Variants in PTPRD observed in about 807,000 individuals in gnomAD.
The protein encoded by PTPRD is protein tyrosine phosphatase receptor type D, also known as receptor-type tyrosine-protein phosphatase delta.
A neutral mutation model predicts 214.5 loss-of-function variants in PTPRD; 34 were observed. The ratio of observed to expected loss-of-function variants is 0.16; its 90% CI spans 0.12 to 0.21. The LOEUF (loss-of-function observed/expected upper bound fraction) is 0.21. PTPRD is among the 10% of genes least tolerant of loss of function. The pLI is 1.00. For missense variants in PTPRD, 2,545 were observed against 2,398.7 expected (o/e 1.06, Z -1.27); for synonymous variants, 1,128 against 845.7 (o/e 1.33, Z -5.79).
chr9:8,351,308 G>T (rs540776834), intron 39 of PTPRD, among the ~76,000 whole-genome samples: 1 of 152,114 alleles, frequency 6.6e-6, no homozygotes, highest in Non-Finnish European at 1.5e-5. Flanking sequence ...CACAAAACAT[G>T]GTCTGAAAAG....
intron 4 of PTPRD, among the ~76,000 whole-genome samples, chr9:9,959,773 G>A (rs1220774789): frequency 6.6e-6 from 1 of 152,104 alleles, no homozygotes; most frequent in African/African-American, 2.4e-5. Context: ...CTGAATAAAT[G>A]GACAGCAGAT....
intron 4 of PTPRD, among the ~76,000 whole-genome samples, chr9:9,988,608 T>A (rs1241342202): frequency 6.6e-6 from 1 of 152,144 alleles, no homozygotes; most frequent in Non-Finnish European, 1.5e-5. Context: ...TTAAATCTTT[T>A]TTTCTGCCTA....
chr9:9,261,403 G>T (rs977910525), intron 9 of PTPRD, among the ~76,000 whole-genome samples: 10 of 151,766 alleles, frequency 6.6e-5, no homozygotes, highest in Admixed American at 6.6e-4. Context: ...TAAGCAATCA[G>T]CTAAGGAAAT....
chr9:8,967,602 G>A (rs896950652), intron 11 of PTPRD, among the ~76,000 whole-genome samples: 8 of 146,452 alleles, frequency 5.5e-5, no homozygotes, highest in Non-Finnish European at 1.1e-4. Flanking sequence ...CTAAGAACGT[G>A]GTATCAAAAA....
intron 9 of PTPRD, among the ~76,000 whole-genome samples, chr9:9,224,510 A>C (rs1421432699): frequency 6.6e-6 from 1 of 152,026 alleles, no homozygotes; most frequent in African/African-American, 2.4e-5. Context: ...AATGGGGGAT[A>C]ATAAAATATC....
At chr9:9,889,907 C>T (rs2072624450) in intron 5 of PTPRD, among the ~76,000 whole-genome samples, 1 of 151,914 alleles carries the variant, frequency 6.6e-6, no homozygotes. Context: ...GTACATGGTA[C>T]TTCCCTGTAG....
At chr9:10,523,580 AT>A (rs1590037375) in intron 2 of PTPRD, among the ~76,000 whole-genome samples, 2 of 53,130 alleles carry the variant, frequency 3.8e-5, no homozygotes, top group African/African-American at 1.2e-4. Context: ...TACCCCCAAT[AT>A]TTTTCAAGTA....
chr9:9,539,167 G>T (rs2077084264), intron 8 of PTPRD, among the ~76,000 whole-genome samples: 3 of 151,744 alleles, frequency 2.0e-5, no homozygotes, highest in Non-Finnish European at 2.9e-5. Context: ...GTGCTCACTG[G>T]GGACATATTT....
At chr9:9,320,298 GAGA>G (rs1965831228) in intron 9 of PTPRD, among the ~76,000 whole-genome samples, 1 of 152,070 alleles carries the variant, frequency 6.6e-6, no homozygotes, top group Non-Finnish European at 1.5e-5. Context: ...AGACAATACG[GAGA>G]AGAAGGTGGT....
At chr9:8,939,560 A>T (rs1374394138) in intron 11 of PTPRD, among the ~76,000 whole-genome samples, 2 of 80,526 alleles carry the variant, frequency 2.5e-5, no homozygotes, top group Non-Finnish European at 5.3e-5. Flanking sequence ...ATCTATGTGT[A>T]TGTTGATATA....
At chr9:9,339,659 A>G (rs945809994) in intron 9 of PTPRD, among the ~76,000 whole-genome samples, 1 of 152,180 alleles carries the variant, frequency 6.6e-6, no homozygotes, top group African/African-American at 2.4e-5. Flanking sequence ...ATTTACATCA[A>G]CTTAATTACC....
chr9:9,235,638 C>T (rs2099966167), intron 9 of PTPRD, among the ~76,000 whole-genome samples: 1 of 152,086 alleles, frequency 6.6e-6, no homozygotes, highest in East Asian at 1.9e-4. Flanking sequence ...ACCTGACTCA[C>T]TTTGGAACAT....
chr9:9,604,943 G>A (rs1481159945), intron 7 of PTPRD, among the ~76,000 whole-genome samples: 1 of 151,842 alleles, frequency 6.6e-6, no homozygotes, highest in Non-Finnish European at 1.5e-5. Context: ...TTAACAGGAG[G>A]TGGTCCCTGA....
At chr9:8,599,037 C>T (rs1007100715) in intron 14 of PTPRD, among the ~76,000 whole-genome samples, 1 of 152,074 alleles carries the variant, frequency 6.6e-6, no homozygotes, top group Non-Finnish European at 1.5e-5. Context: ...CTGGGAAGGA[C>T]CCGGTGGGAG....
intron 21 of PTPRD, among the ~76,000 whole-genome samples, chr9:8,516,023 T>A (rs1483916099): frequency 6.6e-6 from 1 of 152,186 alleles, no homozygotes; most frequent in Admixed American, 6.5e-5. Context: ...AGACCAGGGA[T>A]TGAAAAAATA....
rs550043658 is a variant in PTPRD at position 8,314,313 on chromosome 9, A to G, written c.*3561T>C. The G allele has an allele frequency of 2.1e-4, 48 of 225,116 alleles. No individual in the cohort carries two copies. In the East Asian group the frequency reaches 3.1e-3, roughly 14 times the overall value. 13.9% of individuals were successfully genotyped at this position (225,116 alleles called of 1,614,324 possible). On this transcript the variant is annotated 3_prime_UTR_variant, in exon 46 of 46. Transcript: ENST00000381196. ...TGGAACTTGTGTCAGCAAAGAACTGATTTTCATACAGACTTCTTTCGCCAC... is the reference window on the plus strand; with the variant it reads ...TGGAACTTGTGTCAGCAAAGAACTGGTTTTCATACAGACTTCTTTCGCCAC...
intron 2 of PTPRD, among the ~76,000 whole-genome samples, chr9:10,506,612 C>T (rs936804755): frequency 6.6e-5 from 10 of 151,998 alleles, no homozygotes; most frequent in African/African-American, 1.7e-4. Flanking sequence ...TATGTATTCA[C>T]ACAAATTAAA....
intron 5 of PTPRD, among the ~76,000 whole-genome samples, chr9:9,837,807 G>T (rs564219575): frequency 1.3e-5 from 2 of 152,168 alleles, no homozygotes; most frequent in East Asian, 1.9e-4. Flanking sequence ...TAGGGTACAT[G>T]TGCACAATGT....
intron 2 of PTPRD, among the ~76,000 whole-genome samples, chr9:10,371,397 G>A (rs985300831): frequency 6.6e-6 from 1 of 151,986 alleles, no homozygotes; most frequent in African/African-American, 2.4e-5. Context: ...TTTCCTCACT[G>A]TTTCGCTCTA....
Sources: allele counts gnomAD v4.1 joint callset (sites outside exome capture counted in the v4.1 genomes callset), GRCh38; gene constraint gnomAD v4.1.1; transcripts MANE v1.5; gene names NCBI Gene and HGNC (gene_info 2026-07-23, HGNC 2026-07-21).